Variants in SCARA5 observed in about 807,000 individuals in gnomAD.
SCARA5 encodes the protein scavenger receptor class A member 5.
In SCARA5, 45 loss-of-function variants were observed where a neutral mutation model predicts 46.3. That is an observed-to-expected ratio of 0.97 (90% CI 0.76 to 1.24). The LOEUF is 1.24. Ranked by LOEUF, SCARA5 falls within the 50% of genes most tolerant of loss-of-function variation. SCARA5 has a pLI of 0.00. For synonymous variants in SCARA5, 333 were observed against 306.5 expected, an observed-to-expected ratio of 1.09 and a Z score of -0.90; for missense variants, 680 against 689.0, an observed-to-expected ratio of 0.99 and a Z score of 0.15.
chr8:27,905,523 T>TGGCGGAGGG (rs751627046), intron 6 of SCARA5, among the ~76,000 whole-genome samples: 1 of 53,636 alleles, frequency 1.9e-5, no homozygotes, highest in Admixed American at 2.0e-4. Context: ...ATCCAAGATT[T>TGGCGGAGGG]GGGGGGGGGA....
chr8:27,929,611 A>C (rs183378204), intron 3 of SCARA5, among the ~76,000 whole-genome samples: 82 of 152,342 alleles, frequency 5.4e-4, no homozygotes, highest in Admixed American at 5.0e-3. Flanking sequence ...AGGCTCAGGA[A>C]GTCAGGAGAT....
intron 3 of SCARA5, among the ~76,000 whole-genome samples, chr8:27,956,000 AG>A (rs1808201194): frequency 6.6e-6 from 1 of 152,180 alleles, no homozygotes; most frequent in Admixed American, 6.5e-5. Flanking sequence ...GGGAGAGAAA[AG>A]TCAAGACTTC....
At position 27,872,646 on chromosome 8, in the gene SCARA5, T is replaced by C. The variant is rs141526397; in HGVS notation, c.1352-576A>G. On this transcript the variant is annotated intron_variant, in intron 8 of 8. Transcript: ENST00000354914. ...TCCTGGCCTGGATAGCTGTAGCTCTTACACAATAAGCCCTTTGAGGCAGAG... is the reference window on the plus strand; with the variant it reads ...TCCTGGCCTGGATAGCTGTAGCTCTCACACAATAAGCCCTTTGAGGCAGAG... Among the ~76,000 whole-genome samples, 23 of 152,342 alleles carry C rather than the reference T, an allele frequency of 1.5e-4. No homozygotes were observed. The East Asian group carries it at 4.2e-3, about 28-fold the overall frequency.
chr8:27,988,062 C>T (rs556550689), intron 1 of SCARA5, among the ~76,000 whole-genome samples: 2 of 152,194 alleles, frequency 1.3e-5, no homozygotes, highest in South Asian at 4.2e-4. Flanking sequence ...AGCTTCTGTT[C>T]TGTGTTGGAA....
chr8:27,936,818 C>A (rs979663305), intron 3 of SCARA5, among the ~76,000 whole-genome samples: 2 of 152,062 alleles, frequency 1.3e-5, no homozygotes, highest in African/African-American at 2.4e-5. Flanking sequence ...AAAAACCCAC[C>A]AATGTATTTA....
chr8:27,965,212 C>T (rs1585517293), intron 3 of SCARA5, among the ~76,000 whole-genome samples: 2 of 152,234 alleles, frequency 1.3e-5, no homozygotes, highest in South Asian at 4.1e-4. Flanking sequence ...TTACATCACC[C>T]AACTGACTAG....
intron 2 of SCARA5, among the ~76,000 whole-genome samples, chr8:27,979,174 T>A (rs1378279243): frequency 6.6e-6 from 1 of 152,096 alleles, no homozygotes; most frequent in African/African-American, 2.4e-5. Context: ...CATCCCATCA[T>A]CTCTCTTTGC....
At chr8:27,991,288 C>T (rs994126549) in intron 1 of SCARA5, among the ~76,000 whole-genome samples, 1 of 152,208 alleles carries the variant, frequency 6.6e-6, no homozygotes, top group African/African-American at 2.4e-5. Flanking sequence ...AACAAGGTCA[C>T]TCAGGGGAGC....
intron 2 of SCARA5, among the ~76,000 whole-genome samples, chr8:27,976,884 C>T (rs1179569813): frequency 1.3e-5 from 2 of 152,230 alleles, no homozygotes; most frequent in East Asian, 1.9e-4. Flanking sequence ...ACCTCACAGC[C>T]TCACCAGCAG....
At chr8:27,967,764 T>C (rs1808391741) in intron 2 of SCARA5, among the ~76,000 whole-genome samples, 1 of 152,034 alleles carries the variant, frequency 6.6e-6, no homozygotes, top group Non-Finnish European at 1.5e-5. Flanking sequence ...AATACAAAAA[T>C]TAGCTGGGCG....
intron 7 of SCARA5, among the ~76,000 whole-genome samples, chr8:27,889,882 C>T (rs1044674468): frequency 5.3e-5 from 8 of 152,136 alleles, no homozygotes; most frequent in Non-Finnish European, 8.8e-5. Flanking sequence ...TGTTGAAGTC[C>T]GGGGTGATTC....
chr8:27,982,407 G>C (rs951263535), intron 2 of SCARA5, among the ~76,000 whole-genome samples: 1 of 152,106 alleles, frequency 6.6e-6, no homozygotes, highest in Non-Finnish European at 1.5e-5. Context: ...GGAGGAGGGA[G>C]GCCAGATCAC....
chr8:27,934,563 G>A (rs193035892), intron 3 of SCARA5, among the ~76,000 whole-genome samples: 48 of 152,286 alleles, frequency 3.2e-4, no homozygotes, highest in Admixed American at 9.8e-4. Context: ...GTCCATGATT[G>A]GACAGACACA....
At chr8:27,899,448 T>C (rs1333539983) in intron 7 of SCARA5, among the ~76,000 whole-genome samples, 1 of 152,202 alleles carries the variant, frequency 6.6e-6, no homozygotes, top group African/African-American at 2.4e-5. Flanking sequence ...AACAGGATTT[T>C]CTCAAAGTGG....
intron 3 of SCARA5, among the ~76,000 whole-genome samples, chr8:27,922,470 C>T (rs928691586): frequency 2.0e-5 from 3 of 152,114 alleles, no homozygotes; most frequent in African/African-American, 7.2e-5. Flanking sequence ...AGGTGTCTCA[C>T]CTGCAGAAAT....
At chr8:27,901,590 C>A (rs1807155027) in intron 7 of SCARA5, among the ~76,000 whole-genome samples, 1 of 152,110 alleles carries the variant, frequency 6.6e-6, no homozygotes, top group African/African-American at 2.4e-5. Flanking sequence ...GCTTCTGGGA[C>A]TGGAATTCCC....
At chr8:27,935,396 G>T (rs929968417) in intron 3 of SCARA5, among the ~76,000 whole-genome samples, 1 of 152,112 alleles carries the variant, frequency 6.6e-6, no homozygotes, top group South Asian at 2.1e-4. Context: ...ACAAGAGAAT[G>T]GGGTCTCAAT....
At chr8:27,968,765 C>T (rs963500532) in intron 2 of SCARA5, among the ~76,000 whole-genome samples, 3 of 152,142 alleles carry the variant, frequency 2.0e-5, no homozygotes, top group Non-Finnish European at 2.9e-5. Flanking sequence ...TTCAAGTTTG[C>T]CTTTGTCATC....
rs376975256 is a variant in SCARA5, at chr8:27,979,314, C to T, written c.112+8190G>A. Among the ~76,000 whole-genome samples, 5 of 152,312 alleles carry T rather than the reference C, an allele frequency of 3.3e-5. No homozygotes were observed. In the East Asian group the frequency reaches 5.8e-4, roughly 18 times the overall value. ...AGCAGAAGCAGACATACTGAAGGGA[C>T]GCAAGGGTACTCTACCCTAGGACCT... On this transcript the variant is annotated intron_variant, in intron 2 of 8. Coordinates refer to ENST00000354914, the MANE Select transcript of SCARA5 (RefSeq NM_173833.6).
Sources: gnomAD v4.1 joint callset for allele counts (sites outside exome capture counted in the v4.1 genomes callset) on GRCh38, gnomAD v4.1.1 for gene constraint, MANE v1.5 for transcripts, NCBI Gene and HGNC (gene_info 2026-07-23, HGNC 2026-07-21) for gene names.